The following PTPRD variants were observed in gnomAD, a reference collection of about 807,000 sequenced individuals.
PTPRD encodes receptor-type tyrosine-protein phosphatase delta.
Under a neutral mutation model 214.5 loss-of-function variants are expected in PTPRD, and 34 were observed. That is an observed-to-expected ratio of 0.16 (90% CI 0.12 to 0.21). PTPRD has a LOEUF of 0.21. PTPRD is among the 10% of genes least tolerant of loss of function. The pLI, the probability that PTPRD is intolerant of heterozygous loss-of-function variation, is 1.00. For missense variants in PTPRD, 2,545 were observed against 2,398.7 expected (o/e 1.06, Z -1.27); for synonymous variants, 1,128 against 845.7 (o/e 1.33, Z -5.79).
At chr9:8,533,723 C>G (rs910839574) in intron 14 of PTPRD, among the ~76,000 whole-genome samples, 3 of 151,950 alleles carry the variant, frequency 2.0e-5, no homozygotes, top group African/African-American at 7.2e-5. Flanking sequence ...CTCTTACAAG[C>G]TCACAGGAGG....
chr9:9,368,126 A>C (rs1474466441), intron 9 of PTPRD, among the ~76,000 whole-genome samples: 1 of 151,804 alleles, frequency 6.6e-6, no homozygotes, highest in Non-Finnish European at 1.5e-5. Flanking sequence ...TTTGATTTTA[A>C]GTATGTCAAA....
chr9:9,004,784 G>A (rs1463524513), intron 11 of PTPRD, among the ~76,000 whole-genome samples: 1 of 152,018 alleles, frequency 6.6e-6, no homozygotes, highest in East Asian at 1.9e-4. Flanking sequence ...GGTATAGCAA[G>A]AGCAGAGGAA....
chr9:10,307,031 A>C (rs190272697), intron 3 of PTPRD, among the ~76,000 whole-genome samples: 10 of 152,138 alleles, frequency 6.6e-5, no homozygotes, highest in Non-Finnish European at 1.3e-4. Flanking sequence ...GATATTTAGG[A>C]TATCTGTCAC....
chr9:8,769,600 A>G (rs1433807340), intron 11 of PTPRD, among the ~76,000 whole-genome samples: 1 of 152,164 alleles, frequency 6.6e-6, no homozygotes, highest in Non-Finnish European at 1.5e-5. Context: ...TCATCTGAAT[A>G]CCAATTGCAA....
chr9:9,173,123 T>C (rs2131045243), intron 10 of PTPRD, among the ~76,000 whole-genome samples: 1 of 152,232 alleles, frequency 6.6e-6, no homozygotes, highest in South Asian at 2.1e-4. Context: ...GCTCCCTCCT[T>C]AGGGTCTTTG....
At chr9:9,084,200 C>T (rs939182178) in intron 10 of PTPRD, among the ~76,000 whole-genome samples, 1 of 152,170 alleles carries the variant, frequency 6.6e-6, no homozygotes, top group Non-Finnish European at 1.5e-5. Context: ...GGCACATTTA[C>T]ACCATGGAAT....
intron 4 of PTPRD, among the ~76,000 whole-genome samples, chr9:10,024,296 C>A (rs752958596): frequency 6.6e-6 from 1 of 152,100 alleles, no homozygotes; most frequent in Admixed American, 6.6e-5. Context: ...ATTCTAGCTG[C>A]TTCTGAACCA....
chr9:8,708,736 A>C (rs1437301241), intron 12 of PTPRD, among the ~76,000 whole-genome samples: 2 of 151,130 alleles, frequency 1.3e-5, no homozygotes, highest in African/African-American at 4.9e-5. Flanking sequence ...CAATCCCACT[A>C]CTAGGTCTAT....
In PTPRD at chr9:10,489,650, G is replaced by A. The variant is rs75583654; in HGVS notation, c.-600+122748C>T. On this transcript the variant is annotated intron_variant, in intron 2 of 45. Coordinates refer to ENST00000381196, the MANE Select transcript of PTPRD (RefSeq NM_002839.4). ...TCATTGTAGTACCTCTGCAGCTGCT[G>A]CAAGTCTTGCAGATCCTCAAGTTCG... Among the ~76,000 whole-genome samples, 337 of 152,286 alleles carry A rather than the reference G, an allele frequency of 2.2e-3. 1 individual carries two copies. The highest frequency in any genetic ancestry group is 7.8e-3 in the African/African-American group (323 of 41,558).
intron 36 of PTPRD, among the ~76,000 whole-genome samples, chr9:8,403,220 T>G (rs545400622): frequency 6.6e-6 from 1 of 152,172 alleles, no homozygotes; most frequent in African/African-American, 2.4e-5. Flanking sequence ...AGCAGAGATT[T>G]TGGAAGCAGA....
chr9:8,732,283 C>T (rs1041320581), intron 12 of PTPRD, among the ~76,000 whole-genome samples: 15 of 152,082 alleles, frequency 9.9e-5, no homozygotes, highest in African/African-American at 3.4e-4. Context: ...ACTTCATGGA[C>T]GTACAATAAT....
chr9:9,835,944 T>C (rs2056621453), intron 5 of PTPRD, among the ~76,000 whole-genome samples: 1 of 152,158 alleles, frequency 6.6e-6, no homozygotes, highest in Non-Finnish European at 1.5e-5. Flanking sequence ...ATTCTACCAC[T>C]AGATGGAAAT....
intron 3 of PTPRD, among the ~76,000 whole-genome samples, chr9:10,142,074 T>G (rs1222511572): frequency 5.3e-5 from 8 of 151,976 alleles, no homozygotes; most frequent in East Asian, 3.9e-4. Context: ...TAGCCATATG[T>G]AGAAAGCTGA....
At chr9:9,281,408 C>G (rs913318099) in intron 9 of PTPRD, among the ~76,000 whole-genome samples, 4 of 151,102 alleles carry the variant, frequency 2.6e-5, no homozygotes, top group East Asian at 2.0e-4. Flanking sequence ...CATAAGAAAC[C>G]AAAAACCTGA....
intron 11 of PTPRD, among the ~76,000 whole-genome samples, chr9:8,937,854 T>G (rs1024524036): frequency 6.6e-6 from 1 of 152,310 alleles, no homozygotes; most frequent in African/African-American, 2.4e-5. Context: ...GTTAACTGAT[T>G]CCCTGATTCA....
At chr9:9,627,664 G>A (rs1028106036) in intron 7 of PTPRD, among the ~76,000 whole-genome samples, 9 of 152,096 alleles carry the variant, frequency 5.9e-5, no homozygotes, top group African/African-American at 2.2e-4. Context: ...TTCTAATAAA[G>A]ACTAATAGGA....
intron 3 of PTPRD, among the ~76,000 whole-genome samples, chr9:10,290,608 T>C (rs2095500150): frequency 6.6e-6 from 1 of 152,130 alleles, no homozygotes; most frequent in Non-Finnish European, 1.5e-5. Flanking sequence ...TATTGACTCC[T>C]GCAATAGGTT....
intron 11 of PTPRD, among the ~76,000 whole-genome samples, chr9:8,934,335 G>C (rs2098974158): frequency 6.9e-6 from 1 of 145,502 alleles, no homozygotes; most frequent in African/African-American, 2.6e-5. Context: ...ACCAGGTGTA[G>C]CTGGTACCTA....
chr9:8,598,154 A>G (rs888741337), intron 14 of PTPRD, among the ~76,000 whole-genome samples: 1 of 152,174 alleles, frequency 6.6e-6, no homozygotes, highest in African/African-American at 2.4e-5. Context: ...AGACTTTCAT[A>G]CATTCTCCAA....
Sources: allele counts gnomAD v4.1 joint callset (sites outside exome capture counted in the v4.1 genomes callset), GRCh38; gene constraint gnomAD v4.1.1; transcripts MANE v1.5; gene names NCBI Gene and HGNC (gene_info 2026-07-23, HGNC 2026-07-21).